The following JAKMIP3 variants were observed in gnomAD, a reference collection of about 807,000 sequenced individuals.
JAKMIP3 encodes the protein janus kinase and microtubule-interacting protein 3.
JAKMIP3 carries 58 observed loss-of-function variants against 118.5 expected under a neutral mutation model. That is an observed-to-expected ratio of 0.49 (90% confidence interval 0.40 to 0.61). The LOEUF is 0.61. Among genes scored for constraint, JAKMIP3 ranks in the 20% least tolerant of loss-of-function variants. The probability of loss-of-function intolerance (pLI) is 0.00; values close to 1 mark genes in which losing one functional copy is unlikely to be tolerated. For synonymous variants in JAKMIP3, 486 were observed against 451.2 expected, an observed-to-expected ratio of 1.08 and a Z score of -0.98; for missense variants, 950 against 1,109.0, an observed-to-expected ratio of 0.86 and a Z score of 2.04.
rs55990350 is a variant in JAKMIP3, at chr10:132,109,518, G to A, written c.135+4575G>A. Among the ~76,000 whole-genome samples the A allele has an allele frequency of 7.1e-3, 1,075 of 152,236 alleles. 8 individuals are homozygous for A. The highest frequency in any genetic ancestry group is 0.011 in the Non-Finnish European group (728 of 68,014). ...GGTGTGGGTCCCCCTGCGCCCGGGC[G>A]TCTTCTGTCCTGAGAACGACAGTGA... is the stretch of plus-strand genomic sequence containing the variant. On this transcript the variant is annotated intron_variant, in intron 2 of 23. Transcript: ENST00000684848.
intron 1 of JAKMIP3, among the ~76,000 whole-genome samples, chr10:132,057,709 G>A (rs987242241): frequency 5.3e-5 from 8 of 152,146 alleles, no homozygotes; most frequent in Admixed American, 2.6e-4. Context: ...CAGGGGTGTC[G>A]ACCCCTTGGT....
At chr10:132,133,069 G>A (rs890622614) in intron 3 of JAKMIP3, among the ~76,000 whole-genome samples, 2 of 152,196 alleles carry the variant, frequency 1.3e-5, no homozygotes, top group Non-Finnish European at 2.9e-5. Context: ...CACAGAGCCC[G>A]GGGACCGTCA....
chr10:132,168,826 C>T lies in JAKMIP3; in HGVS notation c.*896C>T. 4.7e-6 allele frequency: 1 copy of T among 213,594 alleles called. No individual in the cohort carries two copies. The highest frequency in any genetic ancestry group is 5.3e-5 in the Admixed American group (1 of 18,908). The allele number at this position is 213,594 out of a possible 1,614,324, so 13.2% of individuals were successfully genotyped here. A position where few individuals can be genotyped will look rare whatever the true frequency, so the allele number is the denominator to read the frequency against. On this transcript the variant is annotated 3_prime_UTR_variant, in exon 23 of 24. Transcript: ENST00000684848. ...CAGAAGTCACAGAGGCCCTGGGCAC[C>T]CAGAGCCACCCAGCCTGGAAGCCCC...
At chr10:132,115,147 C>T (rs541888528) in intron 2 of JAKMIP3, among the ~76,000 whole-genome samples, 6 of 152,342 alleles carry the variant, frequency 3.9e-5, no homozygotes, top group African/African-American at 1.4e-4. Flanking sequence ...GCGCTGAGCA[C>T]TGTTCATACT....
intron 1 of JAKMIP3, among the ~76,000 whole-genome samples, chr10:132,073,662 A>AT (rs952418927): frequency 4.6e-5 from 7 of 151,794 alleles, no homozygotes; most frequent in East Asian, 1.9e-4. Flanking sequence ...ATAACTGGCT[A>AT]TTTTTTTGTC....
At position 132,104,759 on chromosome 10, in the gene JAKMIP3, C is replaced by T. The variant is rs2045644529; in HGVS notation, c.-50C>T. 1.3e-6 allele frequency: 2 copies of T among 1,536,316 alleles called. No individual in the cohort carries two copies. Among genetic ancestry groups the T allele is most frequent in the Non-Finnish European group, 1.8e-6 (2 of 1,137,326 alleles). ...CACCCCAGCCACCCCCAGCCCAGCC[C>T]AGCCGGAGCACCCTACCCCTGGGCA... On this transcript the variant is annotated 5_prime_UTR_variant, in exon 2 of 24. Coordinates refer to ENST00000684848, the MANE Select transcript of JAKMIP3 (RefSeq NM_001323087.2).
At chr10:132,095,768 T>C (rs545983445) in intron 1 of JAKMIP3, among the ~76,000 whole-genome samples, 32 of 152,314 alleles carry the variant, frequency 2.1e-4, no homozygotes, top group African/African-American at 7.7e-4. Context: ...TCCTGGGTGT[T>C]TACTATTCCT....
In JAKMIP3 at chr10:132,067,953, G is replaced by C. The variant is rs536068478; in HGVS notation, c.-138+1892G>C. Among the ~76,000 whole-genome samples, 4 of 144,470 alleles carry C rather than the reference G, an allele frequency of 2.8e-5. No homozygotes were observed. The South Asian group carries it at 9.2e-4, about 33-fold the overall frequency. 94.8% of individuals were successfully genotyped at this position (144,470 alleles called of 152,430 possible). On this transcript the variant is annotated intron_variant, in intron 1 of 23. Coordinates refer to ENST00000684848, the MANE Select transcript of JAKMIP3 (RefSeq NM_001323087.2). Reference sequence around the variant, plus strand: ...ACTGTGGGCTTCCGTGTGGACTCTGGGTTTCTGTGTGGTCTGGACTGTGAG... The same window carrying C: ...ACTGTGGGCTTCCGTGTGGACTCTGCGTTTCTGTGTGGTCTGGACTGTGAG...
At chr10:132,152,691 G>C (rs112384908) in intron 16 of JAKMIP3, among the ~76,000 whole-genome samples, 181 of 152,350 alleles carry the variant, frequency 1.2e-3, no homozygotes, top group Non-Finnish European at 2.2e-3. Flanking sequence ...ATACGCATCT[G>C]CCTCAGCTGG....
intron 22 of JAKMIP3, 59 bp from the exon 23 acceptor site, chr10:132,167,894 C>CTCGGCCCTCGCCG: frequency 8.0e-7 from 1 of 1,253,648 alleles, no homozygotes; most frequent in East Asian, 5.6e-5. Flanking sequence ...GGCCCTCGCC[C>CTCGGCCCTCGCCG]CTCACTCCAG....
At chr10:132,069,563 T>G (rs879775866) in intron 1 of JAKMIP3, among the ~76,000 whole-genome samples, 4 of 151,972 alleles carry the variant, frequency 2.6e-5, no homozygotes, top group Non-Finnish European at 4.4e-5. Flanking sequence ...CTGTCTCACA[T>G]GTAGGTCTGG....
chr10:132,178,315 C>T (rs1267933344), intron 23 of JAKMIP3, among the ~76,000 whole-genome samples: 1 of 152,188 alleles, frequency 6.6e-6, no homozygotes, highest in Non-Finnish European at 1.5e-5. Context: ...CAGCACTGGT[C>T]CCCTCTGTAG....
In JAKMIP3 at chr10:132,164,690, A is replaced by G. The variant is rs745430897; in HGVS notation, c.2445A>G (p.Glu815=). ...LAQQRIKELE[E]RIEAQKRQIK... ...TGCAGAGAATTAAAGAGTTAGAAGA[A>G]AGAATAGAAGCTCAGAAGAGACAAA... The change falls in exon 21 of 24, where the codon GAA becomes GAG. Residue 815 remains glutamate (E), a synonymous_variant. Transcript: ENST00000684848. The G allele has an allele frequency of 9.4e-6, 15 of 1,596,408 alleles. No homozygotes were observed. The Admixed American group carries it at 2.5e-4, about 27-fold the overall frequency.
intron 23 of JAKMIP3, among the ~76,000 whole-genome samples, chr10:132,171,645 T>C (rs1371280874): frequency 9.1e-4 from 119 of 131,438 alleles, no homozygotes; most frequent in African/African-American, 3.5e-3. Context: ...GTCTTATTTT[T>C]TTCTTTCTTT....
chr10:132,068,102 T>C lies in JAKMIP3; in HGVS notation c.-138+2041T>C, dbSNP rs535571263. Among the ~76,000 whole-genome samples the C allele has an allele frequency of 1.6e-4, 15 of 95,606 alleles. No homozygotes were observed. In the South Asian group the frequency reaches 5.4e-3, roughly 34 times the overall value. The allele number at this position is 95,606 out of a possible 152,430, so 62.7% of individuals were successfully genotyped here. The stretch of plus-strand genomic sequence containing the variant: ...GGTTTCTGTGTGGACTGTGGGTTTC[T>C]GTGTGGTCTGGACTGTGGGCTTCCG... On this transcript the variant is annotated intron_variant, in intron 1 of 23. Transcript: ENST00000684848.
At chr10:132,144,930 A>C (rs1474623396) in intron 11 of JAKMIP3, among the ~76,000 whole-genome samples, 177 bp from the exon 12 acceptor site, 1 of 152,056 alleles carries the variant, frequency 6.6e-6, no homozygotes, top group African/African-American at 2.4e-5. Flanking sequence ...CCCTGTCTCA[A>C]AAAAAAACAA....
In JAKMIP3 at chr10:132,159,999, TG is replaced by T. The variant is rs200883079; in HGVS notation, c.2221-3202del. Among the ~76,000 whole-genome samples the T allele has an allele frequency of 1.3e-3, 13 of 10,078 alleles. 1 individual carries two copies. Among genetic ancestry groups the T allele is most frequent in the African/African-American group, 5.3e-3 (13 of 2,440 alleles). The allele number at this position is 10,078 out of a possible 152,430, so 6.6% of individuals were successfully genotyped here. On this transcript the variant is annotated intron_variant, in intron 19 of 23. Coordinates refer to ENST00000684848, the MANE Select transcript of JAKMIP3 (RefSeq NM_001323087.2). ...GTGGGGGTCTACTTCTATGTCTTACTGGGGGGGGCCTCTCCCTGTGTGATGC... is the reference window on the plus strand; with the variant it reads ...GTGGGGGTCTACTTCTATGTCTTACTGGGGGGGCCTCTCCCTGTGTGATGC...
At chr10:132,102,892 T>G (rs1156672568) in intron 1 of JAKMIP3, among the ~76,000 whole-genome samples, 1 of 151,352 alleles carries the variant, frequency 6.6e-6, no homozygotes, top group Non-Finnish European at 1.5e-5. Flanking sequence ...AGGGCTGTGT[T>G]CACCAGGCCG....
chr10:132,088,600 A>G (rs1011434431), intron 1 of JAKMIP3, among the ~76,000 whole-genome samples: 2 of 151,964 alleles, frequency 1.3e-5, no homozygotes, highest in South Asian at 2.1e-4. Context: ...GTAGATTCTG[A>G]ATATTAGCCC....
Sources: gnomAD v4.1 joint callset for allele counts (sites outside exome capture counted in the v4.1 genomes callset) on GRCh38, gnomAD v4.1.1 for gene constraint, MANE v1.5 for transcripts, NCBI Gene and HGNC (gene_info 2026-07-23, HGNC 2026-07-21) for gene names.